Variants in SUPT3H observed in about 807,000 individuals in gnomAD.
SUPT3H encodes the protein transcription initiation protein SPT3 homolog.
A neutral mutation model predicts 44.3 loss-of-function variants in SUPT3H; 44 were observed. The observed-to-expected ratio is 0.99, with a 90% CI of 0.78 to 1.28. SUPT3H has a LOEUF of 1.28. Ranked by LOEUF, SUPT3H falls within the 50% of genes most tolerant of loss-of-function variation. The pLI is 0.00. For synonymous variants in SUPT3H, 124 were observed against 125.6 expected (o/e 0.99, Z 0.09); for missense variants, 380 against 387.1 (o/e 0.98, Z 0.15).
chr6:44,859,623 C>T (rs1351411676), intron 10 of SUPT3H, among the ~76,000 whole-genome samples: 4 of 152,006 alleles, frequency 2.6e-5, no homozygotes, highest in Non-Finnish European at 5.9e-5. Context: ...AATGTGTTGA[C>T]CAAAGGATAC....
chr6:44,949,434 C>T (rs1582694615), intron 9 of SUPT3H, among the ~76,000 whole-genome samples: 1 of 148,784 alleles, frequency 6.7e-6, no homozygotes, highest in African/African-American at 2.5e-5. Context: ...GGAATATTGT[C>T]AAAAAAAAGA....
intron 2 of SUPT3H, among the ~76,000 whole-genome samples, chr6:45,201,977 G>A (rs1018615390): frequency 1.3e-5 from 2 of 151,802 alleles, no homozygotes; most frequent in Non-Finnish European, 2.9e-5. Context: ...GAATATGCAC[G>A]ACTAATCAAC....
At chr6:45,179,001 AAGAG>A (rs996951952) in intron 2 of SUPT3H, among the ~76,000 whole-genome samples, 16 of 152,178 alleles carry the variant, frequency 1.1e-4, no homozygotes, top group African/African-American at 2.7e-4. Flanking sequence ...TCACAATTAA[AAGAG>A]AGAAGAATCA....
intron 8 of SUPT3H, 123 bp from the exon 9 acceptor site, chr6:44,953,540 A>C: frequency 1.4e-6 from 1 of 717,458 alleles, no homozygotes; most frequent in Non-Finnish European, 2.4e-6. Context: ...AAAAATCTAT[A>C]TTGTAGACAT....
intron 10 of SUPT3H, among the ~76,000 whole-genome samples, chr6:44,838,435 AG>A (rs142070973): frequency 0.011 from 1,737 of 152,252 alleles, 39 homozygotes; most frequent in African/African-American, 0.04. Flanking sequence ...AGGGCAGTAG[AG>A]GGAGATGGTG....
intron 3 of SUPT3H, among the ~76,000 whole-genome samples, chr6:45,092,055 C>T (rs560594605): frequency 2.4e-4 from 37 of 151,682 alleles, no homozygotes; most frequent in Non-Finnish European, 3.7e-4. Flanking sequence ...ACTTGTAAAC[C>T]AACTAGATAA....
chr6:44,924,669 A>C (rs1769252935), intron 10 of SUPT3H, among the ~76,000 whole-genome samples: 1 of 152,126 alleles, frequency 6.6e-6, no homozygotes, highest in South Asian at 2.1e-4. Flanking sequence ...AATTAAATTA[A>C]ATGTTTCATA....
intron 6 of SUPT3H, among the ~76,000 whole-genome samples, chr6:44,969,845 A>G (rs1582821015): frequency 6.6e-6 from 1 of 152,204 alleles, no homozygotes; most frequent in Non-Finnish European, 1.5e-5. Context: ...ATAATATACC[A>G]ATTTTACATG....
At chr6:44,891,699 GTGAA>G (rs1763346500) in intron 10 of SUPT3H, among the ~76,000 whole-genome samples, 1 of 151,992 alleles carries the variant, frequency 6.6e-6, no homozygotes, top group African/African-American at 2.4e-5. Context: ...GTACAACACT[GTGAA>G]TGTACTGAAT....
intron 2 of SUPT3H, among the ~76,000 whole-genome samples, chr6:45,267,300 C>G (rs957613282): frequency 1.3e-5 from 2 of 152,144 alleles, no homozygotes; most frequent in Non-Finnish European, 2.9e-5. Flanking sequence ...AAGGAGTTAA[C>G]AAGGACATCT....
intron 6 of SUPT3H, among the ~76,000 whole-genome samples, chr6:44,993,853 C>T (rs1780921532): frequency 6.6e-6 from 1 of 152,078 alleles, no homozygotes; most frequent in African/African-American, 2.4e-5. Context: ...CAGGAACTAA[C>T]CTTGACGTAT....
In SUPT3H at chr6:44,953,414, C is replaced by A; in HGVS notation, c.697G>T (p.Val233Leu). ...YLAYETVAQL[V>L]DLALLVRQDM... ...TGCCTCACAAGAAGAGCCAGATCCA[C>A]TAACTAGAAGACCAGAAGAATGAAA... The change falls in exon 9 of 11, where the codon GTG becomes TTG. Residue 233 changes from valine to leucine, a missense_variant. Val to Leu is a conservative substitution (Grantham distance 32). Coordinates refer to ENST00000371459, the MANE Select transcript of SUPT3H (RefSeq NM_003599.4). 1 of 1,613,516 alleles carries A rather than the reference C, an allele frequency of 6.2e-7. No homozygotes were observed. The highest frequency in any genetic ancestry group is 8.5e-7 in the Non-Finnish European group (1 of 1,179,504).
chr6:45,116,650 T>C (rs978289040), intron 2 of SUPT3H, among the ~76,000 whole-genome samples: 1 of 152,188 alleles, frequency 6.6e-6, no homozygotes, highest in African/African-American at 2.4e-5. Flanking sequence ...TTCAAAAGTA[T>C]GAAGAAAGCT....
At chr6:44,956,086 C>T (rs1209561281) in intron 7 of SUPT3H, among the ~76,000 whole-genome samples, 2 of 150,980 alleles carry the variant, frequency 1.3e-5, no homozygotes, top group East Asian at 2.0e-4. Flanking sequence ...GGAGCCACTG[C>T]ACTCCAGCCT....
chr6:45,216,495 G>C (rs1047173318), intron 2 of SUPT3H, among the ~76,000 whole-genome samples: 25 of 152,084 alleles, frequency 1.6e-4, no homozygotes, highest in African/African-American at 5.8e-4. Flanking sequence ...TTAAAAGATA[G>C]GCTGGATAAA....
intron 2 of SUPT3H, among the ~76,000 whole-genome samples, chr6:45,212,165 G>C (rs540206800): frequency 1.3e-5 from 2 of 151,730 alleles, no homozygotes; most frequent in East Asian, 3.9e-4. Context: ...GTCTCAAAAA[G>C]AAAAAAGAAA....
chr6:45,273,288 A>G (rs1264645649), intron 2 of SUPT3H, among the ~76,000 whole-genome samples: 1 of 152,206 alleles, frequency 6.6e-6, no homozygotes, highest in Non-Finnish European at 1.5e-5. Flanking sequence ...TGGGTTTCAC[A>G]GCATCGCCTC....
rs199851930 is a variant in SUPT3H, at chr6:44,864,921, AT to A, written c.913-35065del. Among the ~76,000 whole-genome samples, 720 of 152,182 alleles carry A rather than the reference AT, an allele frequency of 4.7e-3. 8 individuals carry two copies. The highest frequency in any genetic ancestry group is 0.016 in the African/African-American group (672 of 41,520). Reference sequence around the variant, plus strand: ...CTTGAATTTCTCCTCATATAATGGGATCTTCTTTTATATCGCATTGTCAGGC... The same window carrying A: ...CTTGAATTTCTCCTCATATAATGGGACTTCTTTTATATCGCATTGTCAGGC... On this transcript the variant is annotated intron_variant, in intron 10 of 10. Coordinates refer to ENST00000371459, the MANE Select transcript of SUPT3H (RefSeq NM_003599.4).
chr6:45,048,663 A>G (rs1789806712), intron 3 of SUPT3H, among the ~76,000 whole-genome samples: 1 of 152,176 alleles, frequency 6.6e-6, no homozygotes. Context: ...CAGTGGGTAA[A>G]CGGATAAAGA....
Sources: gnomAD v4.1 joint callset for allele counts (sites outside exome capture counted in the v4.1 genomes callset) on GRCh38, gnomAD v4.1.1 for gene constraint, MANE v1.5 for transcripts, NCBI Gene and HGNC (gene_info 2026-07-23, HGNC 2026-07-21) for gene names.